The following RNF19B variants were observed in gnomAD, a reference collection of about 807,000 sequenced individuals.
RNF19B encodes E3 ubiquitin-protein ligase RNF19B.
RNF19B carries 23 observed loss-of-function variants against 65.5 expected under a neutral mutation model. The ratio of observed to expected loss-of-function variants is 0.35; its 90% CI spans 0.25 to 0.50. The LOEUF (loss-of-function observed/expected upper bound fraction) is 0.50, where lower values mean the gene tolerates loss of function less well. Among genes scored for constraint, RNF19B ranks in the 20% least tolerant of loss-of-function variants. RNF19B has a pLI of 0.98. For missense variants in RNF19B, 794 were observed against 980.0 expected (o/e 0.81, Z 2.53); for synonymous variants, 372 against 379.6 (o/e 0.98, Z 0.23).
chr1:32,952,126 C>T (rs1642514804), intron 1 of RNF19B, among the ~76,000 whole-genome samples: 1 of 151,730 alleles, frequency 6.6e-6, no homozygotes, highest in African/African-American at 2.4e-5. Context: ...TGTAAAGATT[C>T]AGAATTTATC....
chr1:32,935,512 CAGAT>C (rs201777676), downstream of RNF19B, among the ~76,000 whole-genome samples: 972 of 152,296 alleles, frequency 6.4e-3, 9 homozygotes, highest in African/African-American at 0.023. Context: ...TTTGTAAGAT[CAGAT>C]AAATATGTTC....
At chr1:32,963,017 G>T (rs952556381) in intron 1 of RNF19B, among the ~76,000 whole-genome samples, 1 of 152,132 alleles carries the variant, frequency 6.6e-6, no homozygotes, top group South Asian at 2.1e-4. Flanking sequence ...CCTACATGGT[G>T]CATTAAAAAG....
At position 32,936,908 on chromosome 1, in the gene RNF19B, G is replaced by A. The variant is rs776223358; in HGVS notation, c.2094C>T (p.Pro698=). 2.3e-5 allele frequency: 37 copies of A among 1,614,036 alleles called. No homozygotes were observed. In the South Asian group the frequency reaches 2.3e-4, roughly 10 times the overall value. ...RSHTAACPST[P]RAQGAPSPSA... ...TTGGGCTCGGTGCACCTTGGGCTCT[G>A]GGGGTCGAGGGGCAGGCTGCAGTAT... Residue 698 remains proline, a synonymous_variant, in exon 9 of 9, where the codon CCC becomes CCT. Transcript: ENST00000235150.
intron 3 of RNF19B, among the ~76,000 whole-genome samples, chr1:32,947,883 T>A (rs1464500070): frequency 6.6e-6 from 1 of 152,102 alleles, no homozygotes; most frequent in Non-Finnish European, 1.5e-5. Context: ...GGCATTTAAG[T>A]GGCTCTTAAA....
At chr1:32,954,126 G>T (rs867567475) in intron 1 of RNF19B, among the ~76,000 whole-genome samples, 3 of 150,732 alleles carry the variant, frequency 2.0e-5, no homozygotes, top group South Asian at 2.1e-4. Context: ...GGCCAGGCTG[G>T]TCTCGAACTC....
intron 1 of RNF19B, among the ~76,000 whole-genome samples, chr1:32,952,894 C>T (rs1165703698): frequency 6.6e-6 from 1 of 150,520 alleles, no homozygotes; most frequent in Non-Finnish European, 1.5e-5. Flanking sequence ...GCCTGGGTGA[C>T]AGAGTGAGAT....
chr1:32,940,582 T>C (rs987439400), intron 7 of RNF19B, among the ~76,000 whole-genome samples: 1 of 152,218 alleles, frequency 6.6e-6, no homozygotes, highest in African/African-American at 2.4e-5. Context: ...CTTTAGCTTC[T>C]GCCAAGTCAT....
chr1:32,937,069 C>A lies in RNF19B; in HGVS notation c.1933G>T (p.Asp645Tyr). ...TCCCAAGGTTTGCTGGCCAGGCAGT[C>A]TTTCTGTTCACAGCTTTGGTGTCTG... ...PCRHQSCEQKDCLASKPWDIS... is the reference protein window; with the variant it reads ...PCRHQSCEQKYCLASKPWDIS... The change falls in exon 9 of 9, where the codon GAC becomes TAC. Residue 645 changes from aspartate to tyrosine, a missense_variant. Asp to Tyr is a radical substitution (Grantham distance 160). Coordinates refer to ENST00000235150, the MANE Select transcript of RNF19B (RefSeq NM_001300826.2). 1 of 1,614,200 alleles carries A rather than the reference C, an allele frequency of 6.2e-7. No homozygotes were observed. The highest frequency in any genetic ancestry group is 1.7e-5 in the Admixed American group (1 of 60,018).
intron 5 of RNF19B, 131 bp from the exon 6 acceptor site, chr1:32,944,290 T>G (rs893885942): frequency 1.0e-6 from 1 of 967,106 alleles, no homozygotes; most frequent in Non-Finnish European, 1.5e-6. Flanking sequence ...CCCAAAAAGG[T>G]GGCCTGGTGT....
chr1:32,934,978 TGC>T (rs1642072887), downstream of RNF19B, among the ~76,000 whole-genome samples: 1 of 141,070 alleles, frequency 7.1e-6, no homozygotes, highest in Non-Finnish European at 1.5e-5. Context: ...ACTACAGGTG[TGC>T]GCCACCACGC....
At position 32,949,635 on chromosome 1, in the gene RNF19B, C is replaced by A. The variant is rs761308745; in HGVS notation, c.775G>T (p.Ala259Ser). ...QTCDMARQQR[A>S]QTLRVRTKHT... ...TTGGTCCGAACTCGTAAAGTCTGGG[C>A]CCTCTGTTGACGGGCCATATCGCAT... is the stretch of plus-strand genomic sequence containing the variant. The change falls in exon 2 of 9, where the codon GCC (alanine) becomes TCC (serine). Residue 259 changes from alanine to serine, a missense_variant. Physicochemically the swap from Ala to Ser is moderately conservative, Grantham distance 99. Coordinates refer to ENST00000235150, the MANE Select transcript of RNF19B (RefSeq NM_001300826.2). The A allele has an allele frequency of 1.2e-6, 2 of 1,613,946 alleles. No individual in the cohort carries two copies. The highest frequency in any genetic ancestry group is 4.5e-5 in the East Asian group (2 of 44,848).
chr1:32,948,136 G>A (rs1642410636), intron 3 of RNF19B, 86 bp downstream of exon 3: 1 of 1,423,790 alleles, frequency 7.0e-7, no homozygotes, highest in Admixed American at 1.8e-5. Context: ...TGTAATGAGA[G>A]AACGGATGTG....
rs776089455 is a variant in RNF19B at position 32,938,497 on chromosome 1, T to G, written c.1642A>C (p.Ile548Leu). ...AGACTGGCTGTGTCTTTGGGGAAAA[T>G]TTCCTTTTGGACATCGGCTTGAACT... ...LEVQADVQKE[I>L]FPKDTASLGA... The change falls in exon 8 of 9, where the codon ATT becomes CTT. Residue 548 changes from isoleucine (I) to leucine (L), a missense_variant. Physicochemically the swap from Ile to Leu is conservative, Grantham distance 5 (BLOSUM62 2). This residue lies in a region of RNF19B where 368 missense variants were observed against 447.3 expected (regional missense o/e 0.82). Transcript: ENST00000235150. The G allele has an allele frequency of 1.1e-5, 18 of 1,613,982 alleles. No homozygotes were observed. Among genetic ancestry groups the G allele is most frequent in the Non-Finnish European group, 1.4e-5 (17 of 1,180,038 alleles).
intron 6 of RNF19B, 112 bp downstream of exon 6, chr1:32,943,907 C>CTCA (rs1214535851): frequency 1.7e-5 from 19 of 1,094,998 alleles, no homozygotes; most frequent in Non-Finnish European, 2.5e-5. Context: ...CCCTACAAAG[C>CTCA]TCATTATCCA....
chr1:32,937,789 T>C (rs916783971), intron 8 of RNF19B, among the ~76,000 whole-genome samples: 2 of 152,148 alleles, frequency 1.3e-5, no homozygotes, highest in African/African-American at 4.8e-5. Context: ...CATGCACACG[T>C]GTGCTCAGAT....
In RNF19B at chr1:32,945,551, C is replaced by T. The variant is rs1332823360; in HGVS notation, c.1224G>A (p.Ser408=). Residue 408 remains serine (S), a synonymous_variant, in exon 5 of 9, where the codon TCG becomes TCA. Transcript: ENST00000235150. Reference sequence around the variant, plus strand: ...CAGCAATAACTGGGGATGCAATGACCGACAAAGTCACTCCTCCAGTGATAG... The same window carrying T: ...CAGCAATAACTGGGGATGCAATGACTGACAAAGTCACTCCTCCAGTGATAG... The part of the protein sequence containing the change: ...NLAITGGVTL[S]VIASPVIAAV... 5.6e-6 allele frequency: 9 copies of T among 1,613,572 alleles called. No individual in the cohort carries two copies. The highest frequency in any genetic ancestry group is 4.5e-5 in the East Asian group (2 of 44,882).
rs181251570 is a variant in RNF19B at position 32,955,194 on chromosome 1, C to G, written c.636-5420G>C. Among the ~76,000 whole-genome samples the G allele has an allele frequency of 3.9e-5, 6 of 152,154 alleles. No homozygotes were observed. The East Asian group carries it at 9.6e-4, about 24-fold the overall frequency. On this transcript the variant is annotated intron_variant, in intron 1 of 8. Transcript: ENST00000235150. ...AGTATACTGGTTCATGCTCAAAATA[C>G]CTGTGTTGCATGAATGACAGAGACC...
the RNF19B span, among the ~76,000 whole-genome samples, chr1:32,931,392 A>G: frequency 1.3e-5 from 2 of 152,170 alleles, no homozygotes; most frequent in African/African-American, 4.8e-5. Flanking sequence ...CACGAGAAGT[A>G]TTAGTATTCC....
intron 6 of RNF19B, among the ~76,000 whole-genome samples, chr1:32,943,197 G>A (rs1179679908): frequency 1.3e-5 from 2 of 151,636 alleles, no homozygotes; most frequent in African/African-American, 4.8e-5. Context: ...GGTTTTCTAC[G>A]TTACTTGTGC....
Sources: allele counts gnomAD v4.1 joint callset (sites outside exome capture counted in the v4.1 genomes callset), GRCh38; gene constraint gnomAD v4.1.1; regional missense constraint gnomAD v4.1.1; transcripts MANE v1.5; gene names NCBI Gene and HGNC (gene_info 2026-07-23, HGNC 2026-07-21).